FRMPD4: variants seen among roughly 807,000 people sequenced by gnomAD.
The protein encoded by FRMPD4 is FERM and PDZ domain-containing protein 4.
A neutral mutation model predicts 94.1 loss-of-function variants in FRMPD4; 22 were observed. That is an observed-to-expected ratio of 0.23 (90% CI 0.17 to 0.33). The LOEUF (loss-of-function observed/expected upper bound fraction) is 0.33. Ranked by LOEUF, FRMPD4 falls within the 10% of genes least tolerant of loss-of-function variation. FRMPD4 has a pLI of 1.00. For synonymous variants in FRMPD4, 631 were observed against 548.6 expected (o/e 1.15, Z -2.10); for missense variants, 1,111 against 1,339.9 (o/e 0.83, Z 2.67).
chrX:12,343,716 C>A (rs969890586), intron 1 of FRMPD4, among the ~76,000 whole-genome samples: 21 of 111,639 alleles, frequency 1.9e-4, no homozygotes, highest in Non-Finnish European at 3.6e-4. Flanking sequence ...TTTTTACCTG[C>A]ACACGATTTA....
At chrX:12,008,376 A>G (rs2054564619) in intron 3 of FRMPD4, among the ~76,000 whole-genome samples, 1 of 111,896 alleles carries the variant, frequency 8.9e-6, no homozygotes, top group African/African-American at 3.3e-5. Flanking sequence ...GACTTTAGGC[A>G]CAGAAGCTGA....
chrX:12,095,319 G>A (rs1414120704), intron 3 of FRMPD4, among the ~76,000 whole-genome samples: 3 of 107,914 alleles, frequency 2.8e-5, no homozygotes, highest in Non-Finnish European at 5.8e-5. Context: ...TTGAGGCTGT[G>A]GTGAGCCATG....
intron 1 of FRMPD4, among the ~76,000 whole-genome samples, chrX:12,236,873 C>A (rs1377086396): frequency 8.1e-5 from 9 of 111,568 alleles, no homozygotes. Flanking sequence ...TGATTTTGCT[C>A]CCAGGAGAAA....
intron 1 of FRMPD4, among the ~76,000 whole-genome samples, chrX:12,459,126 A>G (rs1414593773): frequency 2.7e-5 from 3 of 111,082 alleles, no homozygotes; most frequent in East Asian, 2.9e-4. Context: ...ATTTCTGCCC[A>G]TTTGGTGTTA....
intron 1 of FRMPD4, among the ~76,000 whole-genome samples, chrX:12,472,142 G>T (rs2057521729): frequency 8.9e-6 from 1 of 111,889 alleles, no homozygotes; most frequent in African/African-American, 3.3e-5. Context: ...GCTACTACTG[G>T]CCATTGGTAA....
At chrX:12,308,097 A>G in intron 1 of FRMPD4, among the ~76,000 whole-genome samples, 1 of 111,867 alleles carries the variant, frequency 8.9e-6, no homozygotes, top group Admixed American at 9.4e-5. Context: ...GTCCTAGCAT[A>G]TTCCAGCATG....
At chrX:12,068,516 A>C (rs2054940578) in intron 3 of FRMPD4, among the ~76,000 whole-genome samples, 1 of 111,904 alleles carries the variant, frequency 8.9e-6, no homozygotes, top group Non-Finnish European at 1.9e-5. Flanking sequence ...ATTGACAACT[A>C]ATCTGTGTTG....
intron 7 of FRMPD4, 47 bp from the exon 8 acceptor site, chrX:12,690,148 T>C: frequency 1.8e-6 from 2 of 1,122,995 alleles, no homozygotes; most frequent in Non-Finnish European, 2.4e-6. Flanking sequence ...CTCCACAAGA[T>C]GGCAGCTTCG....
intron 3 of FRMPD4, among the ~76,000 whole-genome samples, chrX:12,098,909 T>C (rs897336949): frequency 9.1e-6 from 1 of 109,327 alleles, no homozygotes; most frequent in Non-Finnish European, 1.9e-5. Context: ...GCTGAGTCAT[T>C]CTCCTCACTT....
intron 2 of FRMPD4, among the ~76,000 whole-genome samples, chrX:12,516,170 T>G (rs1043412714): frequency 2.2e-4 from 25 of 112,108 alleles, no homozygotes; most frequent in Non-Finnish European, 4.1e-4. Context: ...ATTCTGTGTC[T>G]TTTAATTGGA....
intron 3 of FRMPD4, among the ~76,000 whole-genome samples, chrX:11,916,446 G>A (rs1189847304): frequency 9.0e-6 from 1 of 111,363 alleles, no homozygotes; most frequent in Non-Finnish European, 1.9e-5. Context: ...GGGAAAAAGG[G>A]GGATAATGAA....
intron 1 of FRMPD4, among the ~76,000 whole-genome samples, chrX:12,497,374 G>GT (rs898884504): frequency 1.2e-4 from 13 of 109,091 alleles, no homozygotes; most frequent in South Asian, 4.1e-4. Context: ...AAATTGGTGG[G>GT]TTTTTTTGGT....
chrX:12,256,372 C>T (rs60555196), intron 1 of FRMPD4, among the ~76,000 whole-genome samples: 1,130 of 111,957 alleles, frequency 0.01, 10 homozygotes, highest in African/African-American at 0.034. Flanking sequence ...GGAACCTATG[C>T]CCCAAGAATC....
At position 12,447,265 on chromosome X, in the gene FRMPD4, G is replaced by A. The variant is rs754735643; in HGVS notation, c.42-51415G>A. Among the ~76,000 whole-genome samples, 9 of 111,686 alleles carry A rather than the reference G, an allele frequency of 8.1e-5. No homozygotes were observed. In the South Asian group the frequency reaches 1.9e-3, roughly 23 times the overall value. On this transcript the variant is annotated intron_variant, in intron 1 of 16. Transcript: ENST00000675598. ...ATTTTTTGTCCTTGAGAGCCACCTTGTACTTTGAAGTATATCTAGCAGCAT... is the reference window on the plus strand; with the variant it reads ...ATTTTTTGTCCTTGAGAGCCACCTTATACTTTGAAGTATATCTAGCAGCAT...
chrX:11,929,604 G>C (rs1476379638), intron 3 of FRMPD4, among the ~76,000 whole-genome samples: 1 of 112,458 alleles, frequency 8.9e-6, no homozygotes, highest in Non-Finnish European at 1.9e-5. Context: ...GTCTTAACCT[G>C]ACTGGTTCAG....
intron 1 of FRMPD4, among the ~76,000 whole-genome samples, chrX:12,139,490 C>T (rs866027055): frequency 1.9e-5 from 2 of 107,761 alleles, no homozygotes; most frequent in African/African-American, 3.4e-5. Context: ...GTGCTCCCAA[C>T]GGTAACCTAG....
chrX:11,869,873 G>T (rs2053746267), intron 2 of FRMPD4, among the ~76,000 whole-genome samples: 1 of 111,240 alleles, frequency 9.0e-6, no homozygotes, highest in South Asian at 3.8e-4. Flanking sequence ...AAGATCATTT[G>T]ATCTGCAAAA....
In FRMPD4 at chrX:11,880,019, T is replaced by A. The variant is rs746056190; in HGVS notation, c.95+2001T>A. Among the ~76,000 whole-genome samples, 6 of 112,776 alleles carry A rather than the reference T, an allele frequency of 5.3e-5. No homozygotes were observed. In the South Asian group the frequency reaches 2.2e-3, roughly 41 times the overall value. ...GACTCAAGTAAAGAGAGAGATTTAC[T>A]TTTCTAAAGTTTTATAACTCTTTAA... is the stretch of plus-strand genomic sequence containing the variant. On this transcript the variant is annotated intron_variant, in intron 3 of 18. Coordinates refer to the FRMPD4 transcript ENST00000640291.
intron 5 of FRMPD4, among the ~76,000 whole-genome samples, chrX:12,683,147 C>T (rs1348194917): frequency 8.9e-6 from 1 of 111,894 alleles, no homozygotes. Context: ...ATCTGACTAC[C>T]ACCTCACCTT....
Sources: gnomAD v4.1 joint callset for allele counts (sites outside exome capture counted in the v4.1 genomes callset) on GRCh38, gnomAD v4.1.1 for gene constraint, MANE v1.5 for transcripts, NCBI Gene and HGNC (gene_info 2026-07-23, HGNC 2026-07-21) for gene names.